FNTB: variants seen among roughly 807,000 people sequenced by gnomAD.
The protein encoded by FNTB is protein farnesyltransferase subunit beta.
FNTB carries 27 observed loss-of-function variants against 59.4 expected under a neutral mutation model. That is an observed-to-expected ratio of 0.45 (90% CI 0.34 to 0.63). The LOEUF (loss-of-function observed/expected upper bound fraction) is 0.63, where lower values mean the gene tolerates loss of function less well. Among genes scored for constraint, FNTB ranks in the 20% least tolerant of loss-of-function variants. FNTB has a pLI of 0.02. For missense variants in FNTB, 449 were observed against 559.6 expected (o/e 0.80, Z 1.99); for synonymous variants, 230 against 220.7 (o/e 1.04, Z -0.37).
chr14:65,000,615 T>C (rs953947637), intron 1 of FNTB, among the ~76,000 whole-genome samples: 2 of 151,520 alleles, frequency 1.3e-5, no homozygotes, highest in Non-Finnish European at 2.9e-5. Context: ...GGTCAGGAGA[T>C]CGAGACCATC....
chr14:65,055,822 T>A (rs1321174634), intron 11 of FNTB, among the ~76,000 whole-genome samples: 1 of 152,222 alleles, frequency 6.6e-6, no homozygotes, highest in Non-Finnish European at 1.5e-5. Context: ...TGGCCCCATC[T>A]TTGTTTCTTT....
At chr14:65,036,287 A>G (rs988885090) in intron 7 of FNTB, among the ~76,000 whole-genome samples, 2 of 151,932 alleles carry the variant, frequency 1.3e-5, no homozygotes, top group African/African-American at 4.8e-5. Flanking sequence ...CCCAGGCTGG[A>G]GTGCAGTGGC....
chr14:65,052,679 A>G (rs2062642722), intron 9 of FNTB, among the ~76,000 whole-genome samples: 1 of 152,224 alleles, frequency 6.6e-6, no homozygotes, highest in African/African-American at 2.4e-5. Flanking sequence ...GCAGGAGGGC[A>G]GTTACTAGTA....
intron 1 of FNTB, among the ~76,000 whole-genome samples, chr14:64,992,762 AT>A (rs892352094): frequency 1.3e-5 from 2 of 149,562 alleles, no homozygotes; most frequent in Middle Eastern, 3.2e-3. Context: ...TGAGCCTAGA[AT>A]TTTTTTTTTG....
Position 65,015,676 on chromosome 14 carries a change from G to A in FNTB, c.334G>A (p.Glu112Lys). 1 of 1,614,130 alleles carries A rather than the reference G, an allele frequency of 6.2e-7. No homozygotes were observed. The highest frequency in any genetic ancestry group is 8.5e-7 in the Non-Finnish European group (1 of 1,180,016). ...CTGCTATTGGATCCTGCACAGCTTG[G>A]AACTGCTAGATGAACCCATCCCCCA... ...WLCYWILHSL[E>K]LLDEPIPQIV... The change falls in exon 4 of 12, where the codon GAA becomes AAA. Residue 112 changes from glutamate to lysine, a missense_variant. Glu to Lys is a moderately conservative substitution (Grantham distance 56). Coordinates refer to ENST00000246166, the MANE Select transcript of FNTB (RefSeq NM_002028.4).
At chr14:65,006,999 G>T (rs916698670) in intron 2 of FNTB, among the ~76,000 whole-genome samples, 1 of 152,102 alleles carries the variant, frequency 6.6e-6, no homozygotes, top group Non-Finnish European at 1.5e-5. Flanking sequence ...AATATATCAG[G>T]GCTCTGGGTT....
intron 9 of FNTB, among the ~76,000 whole-genome samples, chr14:65,048,041 G>A (rs1428725180): frequency 1.5e-5 from 2 of 136,540 alleles, no homozygotes; most frequent in African/African-American, 5.6e-5. Flanking sequence ...AGGCTGGAGT[G>A]CAGTGGTGCA....
At chr14:65,026,039 C>A (rs1483491249) in intron 4 of FNTB, among the ~76,000 whole-genome samples, 2 of 152,188 alleles carry the variant, frequency 1.3e-5, no homozygotes, top group African/African-American at 4.8e-5. Context: ...TGTTGGCAAA[C>A]AGTTATAAAC....
intron 9 of FNTB, among the ~76,000 whole-genome samples, chr14:65,049,125 TAA>T (rs59771962): frequency 0.025 from 3,430 of 139,636 alleles, 63 homozygotes; most frequent in African/African-American, 0.054. Flanking sequence ...GGACTCCGTC[TAA>T]AAAAAAAAAA....
rs1049913862 is a variant in FNTB, at chr14:65,054,116, G to A, written c.1068-459G>A. ...TGGAGGATGGGGCTTTTATTTTATTGTATTTTACTTTTTTGAGACAGGGTC... is the reference window on the plus strand; with the variant it reads ...TGGAGGATGGGGCTTTTATTTTATTATATTTTACTTTTTTGAGACAGGGTC... On this transcript the variant is annotated intron_variant, in intron 10 of 11. Transcript: ENST00000246166. This position sits in a 1 kb window ranked among gnomAD's most constrained non-coding sequence, Gnocchi z 4.4. 1.3e-5 allele frequency among the ~76,000 whole-genome samples: 2 copies of A among 151,776 alleles called. No individual in the cohort carries two copies. Among genetic ancestry groups the A allele is most frequent in the Admixed American group, 1.3e-4 (2 of 15,236 alleles).
intron 9 of FNTB, among the ~76,000 whole-genome samples, chr14:65,046,508 T>TA (rs2062481612): frequency 6.6e-6 from 1 of 152,216 alleles, no homozygotes; most frequent in South Asian, 2.1e-4. Flanking sequence ...GCACATGTTC[T>TA]AGGGGGCTTA....
rs1334309116 is a variant in FNTB, at chr14:65,047,208, CAT to C, written c.955+2768_955+2769del. ...GCCAGGGGCTGTACTGAGCATTTCA[CAT>C]ATGTTTTCTCATTTAATTCTCAAAA... is the stretch of plus-strand genomic sequence containing the variant. On this transcript the variant is annotated intron_variant, in intron 9 of 11. Coordinates refer to ENST00000246166, the MANE Select transcript of FNTB (RefSeq NM_002028.4). This position sits in a 1 kb window ranked among gnomAD's most constrained non-coding sequence, Gnocchi z 5.2. Among the ~76,000 whole-genome samples the C allele has an allele frequency of 6.6e-6, 1 of 152,234 alleles. No homozygotes were observed. Among genetic ancestry groups the C allele is most frequent in the African/African-American group, 2.4e-5 (1 of 41,460 alleles).
Position 65,037,077 on chromosome 14 carries a change from C to A in FNTB, c.693-3713C>A, listed in dbSNP as rs147410584. On this transcript the variant is annotated intron_variant, in intron 7 of 11. Coordinates refer to ENST00000246166, the MANE Select transcript of FNTB (RefSeq NM_002028.4). ...TATTACAGTATTTCTTTGATAATTTCTTCTCTTGTGTTTTCTGTGTTTGCT... is the reference window on the plus strand; with the variant it reads ...TATTACAGTATTTCTTTGATAATTTATTCTCTTGTGTTTTCTGTGTTTGCT... Among the ~76,000 whole-genome samples, 1,200 of 151,208 alleles carry A rather than the reference C, an allele frequency of 7.9e-3. 15 individuals carry two copies. Among genetic ancestry groups the A allele is most frequent in the African/African-American group, 0.027 (1,134 of 41,314 alleles).
At chr14:65,022,594 T>C (rs1321887405) in intron 4 of FNTB, among the ~76,000 whole-genome samples, 1 of 152,162 alleles carries the variant, frequency 6.6e-6, no homozygotes, top group African/African-American at 2.4e-5. Flanking sequence ...CTCAAACTCT[T>C]GGCCTTAAGT....
At chr14:64,992,817 C>G (rs1888251374) in intron 1 of FNTB, among the ~76,000 whole-genome samples, 1 of 151,846 alleles carries the variant, frequency 6.6e-6, no homozygotes, top group Admixed American at 6.6e-5. Flanking sequence ...TGCAACTTAA[C>G]CACTTTATTA....
In FNTB at chr14:65,047,084, T is replaced by C. The variant is rs982352855; in HGVS notation, c.955+2641T>C. ...CCAACTGAAAAACAGGCAAAGGATC[T>C]GAAGAAAGAGGTCCCAGTGAAAGAA... On this transcript the variant is annotated intron_variant, in intron 9 of 11. Coordinates refer to ENST00000246166, the MANE Select transcript of FNTB (RefSeq NM_002028.4). This position sits in a 1 kb window ranked among gnomAD's most constrained non-coding sequence, Gnocchi z 5.2. Among the ~76,000 whole-genome samples the C allele has an allele frequency of 6.6e-6, 1 of 152,196 alleles. No individual in the cohort carries two copies. Among genetic ancestry groups the C allele is most frequent in the African/African-American group, 2.4e-5 (1 of 41,458 alleles).
At chr14:65,022,884 T>A (rs1389148543) in intron 4 of FNTB, among the ~76,000 whole-genome samples, 1 of 152,196 alleles carries the variant, frequency 6.6e-6, no homozygotes, top group Non-Finnish European at 1.5e-5. Context: ...TCATGTGCCT[T>A]ACCCATCCCC....
rs149270720 is a variant in FNTB, at chr14:65,048,127, G to T, written c.955+3684G>T. 1.4e-4 allele frequency among the ~76,000 whole-genome samples: 21 copies of T among 151,594 alleles called. No homozygotes were observed. The East Asian group carries it at 4.1e-3, about 29-fold the overall frequency. Reference sequence around the variant, plus strand: ...CTCCTGTGTAGCTGGGATTACAGGCGTGTACCACCACACCCAGCCAATGTT... The same window carrying T: ...CTCCTGTGTAGCTGGGATTACAGGCTTGTACCACCACACCCAGCCAATGTT... On this transcript the variant is annotated intron_variant, in intron 9 of 11. Coordinates refer to ENST00000246166, the MANE Select transcript of FNTB (RefSeq NM_002028.4).
chr14:65,027,338 C>A lies in FNTB; in HGVS notation c.375-115C>A. ...TTCAACAAGTGGGAGGAGAGGTTCC[C>A]CTCAACTTTTGAGGGAGTGGGGGAT... On this transcript the variant is annotated intron_variant, in intron 4 of 11. Coordinates refer to ENST00000246166, the MANE Select transcript of FNTB (RefSeq NM_002028.4). This position sits in a 1 kb window ranked among gnomAD's most constrained non-coding sequence, Gnocchi z 5.7. 6.6e-7 allele frequency: 1 copy of A among 1,512,382 alleles called. No homozygotes were observed. Among genetic ancestry groups the A allele is most frequent in the Non-Finnish European group, 8.9e-7 (1 of 1,121,190 alleles). The allele number at this position is 1,512,382 out of a possible 1,614,324, so 93.7% of individuals were successfully genotyped here. A position where few individuals can be genotyped will look rare whatever the true frequency, so the allele number is the denominator to read the frequency against.
Sources: gnomAD v4.1 joint callset for allele counts (sites outside exome capture counted in the v4.1 genomes callset) on GRCh38, gnomAD v4.1.1 for gene constraint, Gnocchi (gnomAD v3.1) non-coding constraint, MANE v1.5 for transcripts, NCBI Gene and HGNC (gene_info 2026-07-23, HGNC 2026-07-21) for gene names.